The following WDR93 variants were observed in gnomAD, a reference collection of about 807,000 sequenced individuals.
WDR93 encodes WD repeat-containing protein 93.
A neutral mutation model predicts 82.9 loss-of-function variants in WDR93; 73 were observed. The ratio of observed to expected loss-of-function variants is 0.88; its 90% CI spans 0.73 to 1.07. WDR93 has a LOEUF of 1.07. Ranked by LOEUF, WDR93 falls within the 50% of genes least tolerant of loss-of-function variation. The pLI, the probability that WDR93 is intolerant of heterozygous loss-of-function variation, is 0.00. For missense variants in WDR93, 738 were observed against 826.0 expected (o/e 0.89, Z 1.31); for synonymous variants, 283 against 300.1 (o/e 0.94, Z 0.59).
Position 89,736,812 on chromosome 15 carries a change from A to G in WDR93, c.1609-761A>G, listed in dbSNP as rs867178865. On this transcript the variant is annotated intron_variant, in intron 14 of 16. Transcript: ENST00000268130. ...AGGGGGCTTTTTTTTTTTTTTTTGA[A>G]ACGGAGTCTCGCTCTGCCGCCCAGG... 6.0e-4 allele frequency among the ~76,000 whole-genome samples: 89 copies of G among 148,204 alleles called. 1 individual carries two copies. Among genetic ancestry groups the G allele is most frequent in the Admixed American group, 2.1e-3 (32 of 14,954 alleles).
Position 89,723,460 on chromosome 15 carries a change from C to T in WDR93, c.880+1321C>T, listed in dbSNP as rs138091608. On this transcript the variant is annotated intron_variant, in intron 8 of 16. Transcript: ENST00000268130. Reference sequence around the variant, plus strand: ...TGGTTCAAAATCAAGAACAACCCCCCGAAAAGGGAAATGCCAAAGGCGAAG... The same window carrying T: ...TGGTTCAAAATCAAGAACAACCCCCTGAAAAGGGAAATGCCAAAGGCGAAG... Among the ~76,000 whole-genome samples, 733 of 151,888 alleles carry T rather than the reference C, an allele frequency of 4.8e-3. 2 individuals carry two copies. The highest frequency in any genetic ancestry group is 0.016 in the African/African-American group (680 of 41,432).
At chr15:89,730,044 G>A (rs963449727) in intron 11 of WDR93, among the ~76,000 whole-genome samples, 4 of 152,222 alleles carry the variant, frequency 2.6e-5, no homozygotes, top group South Asian at 2.1e-4. Flanking sequence ...AGTAAGCTTG[G>A]CTGGGCGCAA....
At chr15:89,733,903 TC>T (rs1368669871) in intron 13 of WDR93, among the ~76,000 whole-genome samples, 1 of 152,214 alleles carries the variant, frequency 6.6e-6, no homozygotes, top group Non-Finnish European at 1.5e-5. Flanking sequence ...GGCTCATTTC[TC>T]CCACAGTAAA....
intron 13 of WDR93, 112 bp downstream of exon 13, chr15:89,733,331 A>G: frequency 2.0e-6 from 2 of 987,646 alleles, no homozygotes; most frequent in Non-Finnish European, 3.0e-6. Context: ...TTGTATAGTC[A>G]TCACTCTCCT....
chr15:89,690,422 G>A (rs911631293), upstream of WDR93, among the ~76,000 whole-genome samples: 2 of 152,292 alleles, frequency 1.3e-5, no homozygotes, highest in African/African-American at 4.8e-5. Flanking sequence ...GGGTAAGGAG[G>A]GGCTCGGATA....
chr15:89,733,323 G>A, intron 13 of WDR93, 104 bp downstream of exon 13: 1 of 1,065,120 alleles, frequency 9.4e-7, no homozygotes, highest in Non-Finnish European at 1.4e-6. Flanking sequence ...TCCACCTTTT[G>A]TATAGTCATC....
intron 3 of WDR93, chr15:89,703,390 A>G (rs2141601792): frequency 1.9e-6 from 1 of 534,328 alleles, no homozygotes; most frequent in East Asian, 3.1e-5. Flanking sequence ...TGTTCAGAAG[A>G]GGCAACTGAC....
chr15:89,701,699 CTT>C lies in WDR93; in HGVS notation c.-40-7_-40-6del, dbSNP rs761153064. On this transcript the variant is annotated splice_region_variant and splice_polypyrimidine_tract_variant and intron_variant, in intron 1 of 16. Coordinates refer to ENST00000268130, the MANE Select transcript of WDR93 (RefSeq NM_020212.2). Reference sequence around the variant, plus strand: ...TTCCAGAATTCCTTTGTTTACTTCTCTTATCAGCTTTTCAGTTTCATAGAGGT... The same window carrying C: ...TTCCAGAATTCCTTTGTTTACTTCTCATCAGCTTTTCAGTTTCATAGAGGT... The C allele has an allele frequency of 6.4e-7, 1 of 1,571,720 alleles. No homozygotes were observed. Among genetic ancestry groups the C allele is most frequent in the Admixed American group, 1.9e-5 (1 of 54,026 alleles).
intron 11 of WDR93, among the ~76,000 whole-genome samples, 186 bp downstream of exon 11, chr15:89,729,955 C>T (rs542866514): frequency 1.3e-5 from 2 of 152,222 alleles, no homozygotes; most frequent in Admixed American, 1.3e-4. Context: ...ATGTCATGTT[C>T]CTTAAAGACA....
intron 16 of WDR93, 47 bp from the exon 17 acceptor site, chr15:89,743,244 TG>T: frequency 6.2e-7 from 1 of 1,600,844 alleles, no homozygotes; most frequent in South Asian, 1.1e-5. Flanking sequence ...GCTCGGGAGC[TG>T]GGGAAGTGAG....
chr15:89,721,760 G>T (rs909444740), intron 7 of WDR93, among the ~76,000 whole-genome samples: 2 of 122,568 alleles, frequency 1.6e-5, no homozygotes, highest in African/African-American at 6.4e-5. Flanking sequence ...GAGTAGCTGG[G>T]ACTACAAGTG....
chr15:89,716,852 AG>A, intron 6 of WDR93, 58 bp from the exon 7 acceptor site: 2 of 1,185,938 alleles, frequency 1.7e-6, no homozygotes, highest in East Asian at 2.5e-5. Context: ...AGAAGATTAA[AG>A]GGGGTGGTAA....
chr15:89,739,640 C>T (rs1042310779), intron 16 of WDR93, among the ~76,000 whole-genome samples: 9 of 152,184 alleles, frequency 5.9e-5, no homozygotes, highest in African/African-American at 2.2e-4. Context: ...CCACACATTT[C>T]GGGTGGACTG....
rs1234090673 is a variant in WDR93 at position 89,722,046 on chromosome 15, T to G, written c.796-9T>G. On this transcript the variant is annotated splice_polypyrimidine_tract_variant and intron_variant, in intron 7 of 16. Transcript: ENST00000268130. ...TTGGCTTATTAACTATGCCTTTTCC[T>G]TGTTTTAGGATGCAAATGTTAGTTT... 2 of 1,574,394 alleles carry G rather than the reference T, an allele frequency of 1.3e-6. No homozygotes were observed. The highest frequency in any genetic ancestry group is 4.5e-5 in the East Asian group (2 of 44,324).
At chr15:89,720,893 T>G (rs1265426147) in intron 7 of WDR93, among the ~76,000 whole-genome samples, 1 of 152,212 alleles carries the variant, frequency 6.6e-6, no homozygotes, top group Non-Finnish European at 1.5e-5. Flanking sequence ...GATTTTCTGT[T>G]TACTTATTCT....
intron 1 of WDR93, among the ~76,000 whole-genome samples, chr15:89,695,697 G>T (rs996721694): frequency 1.3e-5 from 2 of 151,356 alleles, no homozygotes; most frequent in Non-Finnish European, 2.9e-5. Flanking sequence ...AAATGTTTTT[G>T]TAGATTTCCT....
intron 16 of WDR93, among the ~76,000 whole-genome samples, chr15:89,740,884 A>G (rs1967618261): frequency 6.6e-6 from 1 of 152,136 alleles, no homozygotes; most frequent in Non-Finnish European, 1.5e-5. Context: ...TCACACCTGT[A>G]ATCCCAGCAC....
At position 89,735,470 on chromosome 15, in the gene WDR93, G is replaced by A. The variant is rs1567129459; in HGVS notation, c.1545-20G>A. On this transcript the variant is annotated intron_variant, in intron 13 of 16. Transcript: ENST00000268130. ...AAACTCTTAAAGTAGGAGAATGTCT[G>A]TATATTTTCTGTCCTATAGGCCTGT... 6.2e-7 allele frequency: 1 copy of A among 1,612,944 alleles called. No homozygotes were observed. The highest frequency in any genetic ancestry group is 1.3e-5 in the African/African-American group (1 of 74,902).
At chr15:89,712,443 C>A (rs1966034792) in intron 5 of WDR93, among the ~76,000 whole-genome samples, 1 of 111,564 alleles carries the variant, frequency 9.0e-6, no homozygotes, top group Non-Finnish European at 1.7e-5. Context: ...ATCTGGGATA[C>A]CATATTATAT....
Sources: allele counts gnomAD v4.1 joint callset (sites outside exome capture counted in the v4.1 genomes callset), GRCh38; gene constraint gnomAD v4.1.1; transcripts MANE v1.5; gene names NCBI Gene and HGNC (gene_info 2026-07-23, HGNC 2026-07-21).